Variants in FGF12 observed in about 807,000 individuals in gnomAD.
FGF12 encodes fibroblast growth factor 12B.
FGF12 carries 14 observed loss-of-function variants against 23.6 expected under a neutral mutation model. The observed-to-expected ratio is 0.59, with a 90% CI of 0.39 to 0.93. The LOEUF is 0.93. Ranked by LOEUF, FGF12 falls within the 40% of genes least tolerant of loss-of-function variation. The probability of loss-of-function intolerance (pLI) is 0.00; values close to 1 mark genes in which losing one functional copy is unlikely to be tolerated. For synonymous variants in FGF12, 62 were observed against 77.3 expected (o/e 0.80, Z 1.04); for missense variants, 175 against 217.8 (o/e 0.80, Z 1.24).
rs539832321 is a variant in FGF12, at chr3:192,600,893, T to A, written c.13+126288A>T. On this transcript the variant is annotated intron_variant, in intron 2 of 5. Coordinates refer to ENST00000445105, the MANE Select transcript of FGF12 (RefSeq NM_004113.6). The stretch of plus-strand genomic sequence containing the variant: ...CCGCTATGGAAAACAGTATGGAGGT[T>A]CCTCAAAAAACTACAAATAGAACTA... 3.3e-5 allele frequency among the ~76,000 whole-genome samples: 5 copies of A among 152,190 alleles called. No homozygotes were observed. In the South Asian group the frequency reaches 1.0e-3, roughly 32 times the overall value.
chr3:192,144,011 A>T lies in FGF12; in HGVS notation c.544T>A (p.Ter182LysextTer53). The change falls in exon 6 of 6, where the codon TAG becomes AAG. Residue 182 changes from the stop codon to lysine, a stop_lost. Coordinates refer to ENST00000445105, the MANE Select transcript of FGF12 (RefSeq NM_004113.6). ...GGKVVNQDST[*>K] ...GGGAAGAAGGGGAGAGTTCTCAGCT[A>T]TGTTGAATCTTGATTCACAACTTTG... The T allele has an allele frequency of 6.3e-7, 1 of 1,580,388 alleles. No individual in the cohort carries two copies. The highest frequency in any genetic ancestry group is 8.7e-7 in the Non-Finnish European group (1 of 1,149,328).
intron 4 of FGF12, among the ~76,000 whole-genome samples, chr3:192,225,305 C>A (rs1275218923): frequency 6.6e-6 from 1 of 152,082 alleles, no homozygotes; most frequent in African/African-American, 2.4e-5. Context: ...CTCCTCTATT[C>A]CATCGTCATT....
chr3:192,619,981 T>C (rs1167716796), intron 2 of FGF12, among the ~76,000 whole-genome samples: 3 of 152,108 alleles, frequency 2.0e-5, no homozygotes, highest in African/African-American at 4.8e-5. Context: ...AAAATACTTA[T>C]TGAGAAACCT....
intron 2 of FGF12, among the ~76,000 whole-genome samples, chr3:192,609,280 T>C (rs1287370042): frequency 2.6e-5 from 4 of 152,004 alleles, no homozygotes; most frequent in Non-Finnish European, 5.9e-5. Context: ...ACAACACAGA[T>C]TTTCCTGAAG....
intron 2 of FGF12, among the ~76,000 whole-genome samples, chr3:192,552,762 G>A (rs1711581324): frequency 1.3e-5 from 2 of 151,990 alleles, no homozygotes; most frequent in Admixed American, 6.6e-5. Flanking sequence ...ATAGTAGTGT[G>A]CACCTGTAAC....
intron 2 of FGF12, among the ~76,000 whole-genome samples, chr3:192,706,376 G>A (rs1267794404): frequency 6.6e-6 from 1 of 151,932 alleles, no homozygotes; most frequent in Non-Finnish European, 1.5e-5. Context: ...TACCAATGAC[G>A]TAACAGAAGC....
At chr3:192,293,779 C>T (rs953487387) in intron 4 of FGF12, among the ~76,000 whole-genome samples, 1 of 152,190 alleles carries the variant, frequency 6.6e-6, no homozygotes, top group African/African-American at 2.4e-5. Flanking sequence ...TTATCTTCAT[C>T]TGTTTGGGTA....
intron 4 of FGF12, among the ~76,000 whole-genome samples, chr3:192,172,393 C>G (rs1560178121): frequency 1.3e-5 from 2 of 149,348 alleles, no homozygotes; most frequent in African/African-American, 4.9e-5. Context: ...TCTCAACCCC[C>G]CCTTCAAAAA....
chr3:192,495,781 C>T (rs1723937390), intron 2 of FGF12, among the ~76,000 whole-genome samples: 1 of 152,086 alleles, frequency 6.6e-6, no homozygotes, highest in African/African-American at 2.4e-5. Flanking sequence ...ATCCTCTCAA[C>T]TCAGCCTCGA....
intron 2 of FGF12, among the ~76,000 whole-genome samples, chr3:192,696,942 G>A (rs1281419356): frequency 6.6e-6 from 1 of 151,860 alleles, no homozygotes; most frequent in Non-Finnish European, 1.5e-5. Flanking sequence ...TTTATGATTA[G>A]CAATAATAAA....
chr3:192,673,052 G>A (rs1231780917), intron 2 of FGF12: 2 of 150,950 alleles, frequency 1.3e-5, no homozygotes, highest in Non-Finnish European at 3.0e-5. Context: ...TCAAGTTGAA[G>A]ACTCTCCCTG....
chr3:192,300,650 G>A (rs552454983), intron 4 of FGF12, among the ~76,000 whole-genome samples: 1 of 151,934 alleles, frequency 6.6e-6, no homozygotes, highest in Non-Finnish European at 1.5e-5. Flanking sequence ...AAATTAAAAA[G>A]TATTATTCTA....
intron 2 of FGF12, among the ~76,000 whole-genome samples, chr3:192,467,831 T>G (rs980378919): frequency 6.6e-6 from 1 of 152,216 alleles, no homozygotes; most frequent in African/African-American, 2.4e-5. Flanking sequence ...ACTTAACATG[T>G]AGCAAAGCTG....
intron 2 of FGF12, among the ~76,000 whole-genome samples, chr3:192,520,148 A>G (rs1005744925): frequency 6.6e-6 from 1 of 152,198 alleles, no homozygotes; most frequent in Non-Finnish European, 1.5e-5. Context: ...GGAAATCTAT[A>G]TACACATACA....
At chr3:192,193,804 T>C (rs1041699914) in intron 4 of FGF12, among the ~76,000 whole-genome samples, 14 of 152,128 alleles carry the variant, frequency 9.2e-5, no homozygotes, top group African/African-American at 3.4e-4. Flanking sequence ...AAATGCATTA[T>C]AATTTGTATA....
intron 4 of FGF12, among the ~76,000 whole-genome samples, chr3:192,199,492 A>C (rs1437460341): frequency 6.6e-6 from 1 of 152,228 alleles, no homozygotes; most frequent in Non-Finnish European, 1.5e-5. Flanking sequence ...CAAGTAGCTT[A>C]GTGAAGCCAG....
Position 192,386,454 on chromosome 3 carries a change from T to C in FGF12, c.14-25916A>G, listed in dbSNP as rs1282853699. Among the ~76,000 whole-genome samples the C allele has an allele frequency of 2.0e-5, 3 of 152,190 alleles. No individual in the cohort carries two copies. The East Asian group carries it at 5.8e-4, about 29-fold the overall frequency. ...TCATAAGTTCTGGCTGATTTATGAC[T>C]CAGGAATGCAATACTTATAAACCTC... On this transcript the variant is annotated intron_variant, in intron 2 of 5. Coordinates refer to ENST00000445105, the MANE Select transcript of FGF12 (RefSeq NM_004113.6).
chr3:192,634,556 T>G (rs1218011374), intron 2 of FGF12, among the ~76,000 whole-genome samples: 2 of 152,080 alleles, frequency 1.3e-5, no homozygotes, highest in Non-Finnish European at 1.5e-5. Context: ...TATATATACA[T>G]ATATGCACAC....
At chr3:192,312,620 T>C (rs1716012491) in intron 4 of FGF12, among the ~76,000 whole-genome samples, 1 of 151,754 alleles carries the variant, frequency 6.6e-6, no homozygotes, top group Non-Finnish European at 1.5e-5. Flanking sequence ...GCAAAGATAA[T>C]ACAAATACAA....
Sources: allele counts gnomAD v4.1 joint callset (sites outside exome capture counted in the v4.1 genomes callset), GRCh38; gene constraint gnomAD v4.1.1; transcripts MANE v1.5; gene names NCBI Gene and HGNC (gene_info 2026-07-23, HGNC 2026-07-21).